The following REPS1 variants were observed in gnomAD, a reference collection of about 807,000 sequenced individuals.
The protein encoded by REPS1 is ralBP1-associated Eps domain-containing protein 1.
In REPS1, 39 loss-of-function variants were observed where a neutral mutation model predicts 100.9. The ratio of observed to expected loss-of-function variants is 0.39; its 90% confidence interval spans 0.30 to 0.50. The LOEUF (loss-of-function observed/expected upper bound fraction) is 0.50, where lower values mean the gene tolerates loss of function less well. Ranked by LOEUF, REPS1 falls within the 20% of genes least tolerant of loss-of-function variation. The pLI is 0.86. For synonymous variants in REPS1, 324 were observed against 340.3 expected, an observed-to-expected ratio of 0.95 and a Z score of 0.53; for missense variants, 821 against 968.5, an observed-to-expected ratio of 0.85 and a Z score of 2.02.
At chr6:138,941,234 G>A (rs2128471000) in intron 8 of REPS1, 101 bp downstream of exon 8, 2 of 1,205,684 alleles carry the variant, frequency 1.7e-6, no homozygotes, top group South Asian at 1.4e-5. Flanking sequence ...AAATATCTAA[G>A]CTATTAAGCT....
intron 8 of REPS1, among the ~76,000 whole-genome samples, 161 bp from the exon 9 acceptor site, chr6:138,930,259 C>T (rs1028259530): frequency 3.9e-5 from 6 of 152,084 alleles, no homozygotes; most frequent in Non-Finnish European, 2.9e-5. Context: ...TTTTAACAGA[C>T]ATTACTTATT....
chr6:138,947,068 CTCTCTCT>C (rs1782674736), intron 2 of REPS1, among the ~76,000 whole-genome samples: 4 of 144,954 alleles, frequency 2.8e-5, no homozygotes, highest in Admixed American at 6.8e-5. Flanking sequence ...CTCTCTCTCT[CTCTCTCT>C]CCTGTGGCCA....
intron 8 of REPS1, among the ~76,000 whole-genome samples, chr6:138,931,596 T>C (rs1001041692): frequency 3.9e-5 from 6 of 152,218 alleles, no homozygotes; most frequent in Non-Finnish European, 7.4e-5. Flanking sequence ...AAATTATTTC[T>C]TTCTTAAGTC....
In REPS1 at chr6:138,912,009, C is replaced by A. The variant is rs375669204; in HGVS notation, c.1972-638G>T. Among the ~76,000 whole-genome samples, 5 of 152,216 alleles carry A rather than the reference C, an allele frequency of 3.3e-5. 1 individual carries two copies. The highest frequency in any genetic ancestry group is 2.9e-5 in the Non-Finnish European group (2 of 67,986). On this transcript the variant is annotated intron_variant, in intron 16 of 19. Coordinates refer to ENST00000450536, the MANE Select transcript of REPS1 (RefSeq NM_001286611.2). ...GAGTGAGTACGGTACCCTGTGCACACCTCTACATGCCCACTCTGACCCTCC... is the reference window on the plus strand; with the variant it reads ...GAGTGAGTACGGTACCCTGTGCACAACTCTACATGCCCACTCTGACCCTCC...
chr6:138,979,457 C>T lies in REPS1; in HGVS notation c.153+8073G>A, dbSNP rs377217272. On this transcript the variant is annotated intron_variant, in intron 1 of 19. Coordinates refer to ENST00000450536, the MANE Select transcript of REPS1 (RefSeq NM_001286611.2). ...ACTTCTTTAAAAGCTATCTATACAC[C>T]CTGTCTCTAGTTCCTCAGCCATCAT... Among the ~76,000 whole-genome samples, 3 of 152,146 alleles carry T rather than the reference C, an allele frequency of 2.0e-5. 1 individual carries two copies.
intron 10 of REPS1, among the ~76,000 whole-genome samples, chr6:138,924,568 A>G (rs927090317): frequency 8.5e-5 from 13 of 152,080 alleles, no homozygotes; most frequent in African/African-American, 2.2e-4. Flanking sequence ...TATTGTCACT[A>G]TTTTTTAAGG....
chr6:138,943,642 G>A, intron 6 of REPS1, 66 bp from the exon 7 acceptor site: 1 of 1,260,332 alleles, frequency 7.9e-7, no homozygotes. Context: ...CAGAATGTAA[G>A]AGTCTTAGAC....
In REPS1 at chr6:138,935,871, C is replaced by T. The variant is rs898391964; in HGVS notation, c.1135+5464G>A. On this transcript the variant is annotated intron_variant, in intron 8 of 19. Transcript: ENST00000450536. ...TCCATCTTGGCGGGGGGGGGGGGCGCGGGGGAGTGGTGGCCAGGGAGAAAG... is the reference window on the plus strand; with the variant it reads ...TCCATCTTGGCGGGGGGGGGGGGCGTGGGGGAGTGGTGGCCAGGGAGAAAG... Among the ~76,000 whole-genome samples the T allele has an allele frequency of 1.9e-3, 17 of 9,060 alleles. 1 individual carries two copies. The highest frequency in any genetic ancestry group is 3.2e-3 in the African/African-American group (7 of 2,192). 5.9% of individuals were successfully genotyped at this position (9,060 alleles called of 152,430 possible).
intron 1 of REPS1, among the ~76,000 whole-genome samples, chr6:138,978,402 T>C (rs1582863245): frequency 6.6e-6 from 1 of 151,612 alleles, no homozygotes; most frequent in East Asian, 1.9e-4. Flanking sequence ...CTCCCAGGCT[T>C]AAACCATCCT....
In REPS1 at chr6:138,955,491, A is replaced by C. The variant is rs571532838; in HGVS notation, c.154-7578T>G. On this transcript the variant is annotated intron_variant, in intron 1 of 19. Transcript: ENST00000450536. The stretch of plus-strand genomic sequence containing the variant: ...GTGTGTGTGTGTGTGTGTGTGTGTA[A>C]ATAACAGTCAAGTACTAAAAACTAT... Among the ~76,000 whole-genome samples the C allele has an allele frequency of 3.6e-5, 3 of 82,356 alleles. No individual in the cohort carries two copies. The South Asian group carries it at 1.6e-3, about 43-fold the overall frequency. The allele number at this position is 82,356 out of a possible 152,430, so 54.0% of individuals were successfully genotyped here. A position where few individuals can be genotyped will look rare whatever the true frequency, so the allele number is the denominator to read the frequency against.
At chr6:138,975,493 C>G (rs1370084692) in intron 1 of REPS1, among the ~76,000 whole-genome samples, 1 of 152,146 alleles carries the variant, frequency 6.6e-6, no homozygotes, top group Non-Finnish European at 1.5e-5. Flanking sequence ...TCCACAAATT[C>G]TGTGTTTTCT....
At chr6:138,907,313 A>AAGTGTGGGTGT in intron 19 of REPS1, 182 bp downstream of exon 19, 1 of 132,592 alleles carries the variant, frequency 7.5e-6, no homozygotes, top group Non-Finnish European at 1.5e-5. Flanking sequence ...AAAAAAAAAA[A>AAGTGTGGGTGT]GTGTGTGTGT....
chr6:138,905,117 TCTC>T lies in REPS1; in HGVS notation c.2335_2337del (p.Glu779del). ...TCCAGTTGAACTTCCAGGGAAATTC[TCTC>T]CTCAAGAACATCCTGAAAAAGATGC... On this transcript the variant is annotated inframe_deletion, in exon 20 of 20. Coordinates refer to ENST00000450536, the MANE Select transcript of REPS1 (RefSeq NM_001286611.2). 1 of 1,612,782 alleles carries T rather than the reference TCTC, an allele frequency of 6.2e-7. No individual in the cohort carries two copies. Among genetic ancestry groups the T allele is most frequent in the Non-Finnish European group, 8.5e-7 (1 of 1,178,810 alleles).
intron 9 of REPS1, chr6:138,929,015 C>T (rs1471114907): frequency 1.3e-5 from 2 of 152,044 alleles, no homozygotes; most frequent in Admixed American, 1.3e-4. Flanking sequence ...TTCCAACTGT[C>T]CAAAATTATT....
chr6:138,952,025 G>A (rs1403588110), intron 1 of REPS1, among the ~76,000 whole-genome samples: 1 of 151,982 alleles, frequency 6.6e-6, no homozygotes, highest in African/African-American at 2.4e-5. Flanking sequence ...ACTCACCAAG[G>A]AAATCTAAAT....
At chr6:138,925,767 G>A (rs1488734109) in intron 10 of REPS1, among the ~76,000 whole-genome samples, 6 of 152,174 alleles carry the variant, frequency 3.9e-5, no homozygotes, top group African/African-American at 7.2e-5. Context: ...AGGGACAGGT[G>A]TAGCATATAT....
chr6:138,914,788 T>C (rs1280004180), intron 14 of REPS1, 27 bp from the exon 15 acceptor site: 1 of 1,585,998 alleles, frequency 6.3e-7, no homozygotes, highest in African/African-American at 1.4e-5. Flanking sequence ...GTTCTTCTTT[T>C]TAGTAACTGT....
intron 8 of REPS1, among the ~76,000 whole-genome samples, chr6:138,937,980 C>T (rs537380847): frequency 1.4e-4 from 21 of 150,172 alleles, no homozygotes; most frequent in African/African-American, 4.2e-4. Context: ...AGTACCTCAA[C>T]GTGTTTGTAG....
chr6:138,941,184 A>T, intron 8 of REPS1, 151 bp downstream of exon 8: 1 of 786,680 alleles, frequency 1.3e-6, no homozygotes, highest in Non-Finnish European at 2.0e-6. Flanking sequence ...AGCTTGGCCC[A>T]TACATCCTAT....
Sources: gnomAD v4.1 joint callset for allele counts (sites outside exome capture counted in the v4.1 genomes callset) on GRCh38, gnomAD v4.1.1 for gene constraint, MANE v1.5 for transcripts, NCBI Gene and HGNC (gene_info 2026-07-23, HGNC 2026-07-21) for gene names.